Variants in TLK2 observed in about 807,000 individuals in gnomAD.
The protein encoded by TLK2 is serine/threonine-protein kinase tousled-like 2.
A neutral mutation model predicts 117.3 loss-of-function variants in TLK2; 6 were observed. That is an observed-to-expected ratio of 0.05 (90% CI 0.03 to 0.10). The LOEUF (loss-of-function observed/expected upper bound fraction) is 0.10, where lower values mean the gene tolerates loss of function less well. Ranked by LOEUF, TLK2 falls within the 10% of genes least tolerant of loss-of-function variation. TLK2 has a pLI of 1.00. For missense variants in TLK2, 299 were observed against 901.2 expected (o/e 0.33, Z 8.56); for synonymous variants, 257 against 316.7 (o/e 0.81, Z 2.00).
intron 2 of TLK2, among the ~76,000 whole-genome samples, chr17:62,484,943 G>A (rs1004564106): frequency 2.6e-5 from 4 of 152,248 alleles, no homozygotes; most frequent in Non-Finnish European, 4.4e-5. Flanking sequence ...TGTAATCCCA[G>A]CTACCTGGGA....
intron 10 of TLK2, 55 bp from the exon 11 acceptor site, chr17:62,564,946 G>A: frequency 1.9e-6 from 3 of 1,563,394 alleles, no homozygotes; most frequent in African/African-American, 2.8e-5. Context: ...TCTAAGAAGT[G>A]TCTTTATCCA....
intron 20 of TLK2, among the ~76,000 whole-genome samples, chr17:62,607,644 T>C (rs546345996): frequency 3.3e-5 from 5 of 152,208 alleles, no homozygotes; most frequent in Non-Finnish European, 7.3e-5. Flanking sequence ...CCTTTCCTTC[T>C]CTTTTTCTGT....
chr17:62,485,816 GTTTTTTT>G (rs879159414), intron 2 of TLK2, among the ~76,000 whole-genome samples: 13 of 122,572 alleles, frequency 1.1e-4, no homozygotes, highest in African/African-American at 3.4e-4. Flanking sequence ...TAATTTTCTG[GTTTTTTT>G]TTTTTTTTTT....
chr17:62,544,425 G>T (rs1002194457), intron 7 of TLK2, among the ~76,000 whole-genome samples: 1 of 152,094 alleles, frequency 6.6e-6, no homozygotes, highest in Admixed American at 6.6e-5. Context: ...ATCAGATCTC[G>T]TGAGAACTCA....
intron 7 of TLK2, among the ~76,000 whole-genome samples, chr17:62,542,920 T>G (rs905742775): frequency 6.6e-6 from 1 of 152,344 alleles, no homozygotes. Flanking sequence ...TAGGCATTTT[T>G]AAAAAACATG....
At chr17:62,506,890 C>G (rs2074738763) in intron 2 of TLK2, among the ~76,000 whole-genome samples, 1 of 151,982 alleles carries the variant, frequency 6.6e-6, no homozygotes, top group African/African-American at 2.4e-5. Context: ...ACTGTTTTCC[C>G]TTAGAATTTG....
intron 2 of TLK2, chr17:62,516,677 T>C: frequency 6.2e-7 from 1 of 1,609,586 alleles, no homozygotes; most frequent in Non-Finnish European, 8.5e-7. Flanking sequence ...TCCGGGTGCT[T>C]AGGCATGTGG....
At chr17:62,561,554 A>G (rs985887382) in intron 10 of TLK2, among the ~76,000 whole-genome samples, 10 of 152,220 alleles carry the variant, frequency 6.6e-5, no homozygotes, top group African/African-American at 2.4e-4. Flanking sequence ...CCTAATGACA[A>G]TATTACAAGA....
intron 14 of TLK2, among the ~76,000 whole-genome samples, chr17:62,579,696 G>A (rs1479808956): frequency 6.6e-6 from 1 of 152,140 alleles, no homozygotes; most frequent in Non-Finnish European, 1.5e-5. Context: ...CTGTTTTTAA[G>A]GAAATAGCAA....
upstream of TLK2, among the ~76,000 whole-genome samples, chr17:62,476,359 G>C (rs368541845): frequency 1.3e-5 from 2 of 151,802 alleles, no homozygotes; most frequent in South Asian, 4.2e-4. Context: ...CGAGGTGGGC[G>C]GATCACGAGG....
chr17:62,473,853 TGACTA>T (rs1331208063), upstream of TLK2, among the ~76,000 whole-genome samples: 1 of 151,924 alleles, frequency 6.6e-6, no homozygotes, highest in Non-Finnish European at 1.5e-5. Context: ...TTCTGCCAAA[TGACTA>T]GACTAGATTT....
chr17:62,593,511 C>G (rs1487620314), intron 16 of TLK2, among the ~76,000 whole-genome samples: 1 of 151,954 alleles, frequency 6.6e-6, no homozygotes, highest in African/African-American at 2.4e-5. Flanking sequence ...ATTCTATAAG[C>G]TTTTTTCTAT....
At chr17:62,572,298 T>C (rs570278349) in intron 11 of TLK2, among the ~76,000 whole-genome samples, 2 of 152,204 alleles carry the variant, frequency 1.3e-5, no homozygotes, top group East Asian at 3.9e-4. Flanking sequence ...GATTGTCAAT[T>C]ATAGTGGGTG....
chr17:62,487,268 G>A (rs1310538250), intron 2 of TLK2, among the ~76,000 whole-genome samples: 3 of 151,514 alleles, frequency 2.0e-5, no homozygotes, highest in Non-Finnish European at 4.4e-5. Context: ...CTCCAGCCTG[G>A]GCGACAGAGC....
At chr17:62,610,484 T>C (rs2083660186) in intron 21 of TLK2, among the ~76,000 whole-genome samples, 1 of 152,188 alleles carries the variant, frequency 6.6e-6, no homozygotes, top group Admixed American at 6.5e-5. Flanking sequence ...TGGTGACACA[T>C]GTTATGAAGA....
chr17:62,537,367 C>T (rs2145859872), intron 7 of TLK2, among the ~76,000 whole-genome samples: 1 of 152,318 alleles, frequency 6.6e-6, no homozygotes, highest in South Asian at 2.1e-4. Flanking sequence ...ATACAACGCT[C>T]CTTGAATAAC....
At chr17:62,484,273 GGAAAA>G (rs2072058585) in intron 2 of TLK2, among the ~76,000 whole-genome samples, 1 of 151,820 alleles carries the variant, frequency 6.6e-6, no homozygotes, top group Admixed American at 6.6e-5. Context: ...TGCAGAGCCG[GGAAAA>G]GAAAATCTCC....
intron 2 of TLK2, among the ~76,000 whole-genome samples, chr17:62,485,492 CTAATTTTCTTGCATAGTGCAAATTTT>C (rs571274662): frequency 5.8e-4 from 89 of 152,208 alleles, no homozygotes; most frequent in African/African-American, 1.9e-3. Flanking sequence ...TTTTTTATTT[CTAATTTTCTTGCATAGTGCAAATTTT>C]TAATTTTCTT....
intron 2 of TLK2, among the ~76,000 whole-genome samples, chr17:62,495,496 ACT>A (rs1357389269): frequency 1.1e-4 from 17 of 148,676 alleles, no homozygotes; most frequent in African/African-American, 4.2e-4. Flanking sequence ...TTCACTGCAA[ACT>A]CTGCCTCCCA....
Sources: allele counts gnomAD v4.1 joint callset (sites outside exome capture counted in the v4.1 genomes callset), GRCh38; gene constraint gnomAD v4.1.1; transcripts MANE v1.5; gene names NCBI Gene and HGNC (gene_info 2026-07-23, HGNC 2026-07-21).